CNNM2: variants seen among roughly 807,000 people sequenced by gnomAD.
CNNM2 encodes cyclin and CBS domain divalent metal cation transport mediator 2, also known as metal transporter CNNM2.
In CNNM2, 12 loss-of-function variants were observed where a neutral mutation model predicts 66.9. That is an observed-to-expected ratio of 0.18 (90% CI 0.11 to 0.29). The LOEUF is 0.29. Ranked by LOEUF, CNNM2 falls within the 10% of genes least tolerant of loss-of-function variation. The pLI is 1.00. For missense variants in CNNM2, 705 were observed against 1,167.7 expected (o/e 0.60, Z 5.77); for synonymous variants, 557 against 501.8 (o/e 1.11, Z -1.47).
chr10:102,921,637 A>G (rs1845642862), intron 1 of CNNM2, among the ~76,000 whole-genome samples: 1 of 152,194 alleles, frequency 6.6e-6, no homozygotes, highest in South Asian at 2.1e-4. Context: ...TAAGTTGTTA[A>G]TTAGAGCATC....
chr10:103,040,479 A>C (rs2065020456), intron 1 of CNNM2, among the ~76,000 whole-genome samples: 2 of 152,052 alleles, frequency 1.3e-5, no homozygotes, highest in Admixed American at 6.6e-5. Context: ...TTAATTCAGT[A>C]GCTGGTGGGA....
intron 1 of CNNM2, among the ~76,000 whole-genome samples, chr10:102,939,227 G>A (rs1846343327): frequency 6.6e-6 from 1 of 152,202 alleles, no homozygotes; most frequent in South Asian, 2.1e-4. Context: ...GGCTTACTTA[G>A]CTTCAGTGCA....
intron 1 of CNNM2, among the ~76,000 whole-genome samples, chr10:102,998,009 G>A (rs2064036172): frequency 6.6e-6 from 1 of 152,052 alleles, no homozygotes; most frequent in Non-Finnish European, 1.5e-5. Context: ...ATGGCTTTAT[G>A]TCAGTGTTCA....
At chr10:103,018,526 A>C (rs1350487523) in intron 1 of CNNM2, among the ~76,000 whole-genome samples, 1 of 152,116 alleles carries the variant, frequency 6.6e-6, no homozygotes, top group African/African-American at 2.4e-5. Flanking sequence ...TCAAATGAAG[A>C]AGTATAGACA....
At position 103,056,980 on chromosome 10, in the gene CNNM2, CAATA is replaced by C; in HGVS notation, c.2073+17_2073+20del. ...CATTCTGCAGGTCAGAAGAATTATT[CAATA>C]GTGGTTTGCTCTCACTGAGTATCCA... On this transcript the variant is annotated intron_variant, in intron 4 of 7. Coordinates refer to ENST00000369878, the MANE Select transcript of CNNM2 (RefSeq NM_017649.5). 6.2e-7 allele frequency: 1 copy of C among 1,603,818 alleles called. No individual in the cohort carries two copies. Among genetic ancestry groups the C allele is most frequent in the South Asian group, 1.1e-5 (1 of 89,216 alleles).
chr10:102,926,507 C>T (rs531092367), intron 1 of CNNM2, among the ~76,000 whole-genome samples: 1 of 152,214 alleles, frequency 6.6e-6, no homozygotes, highest in Non-Finnish European at 1.5e-5. Context: ...AGAAAACCCA[C>T]AAAACAGACT....
chr10:103,016,614 T>C (rs1052085637), intron 1 of CNNM2, among the ~76,000 whole-genome samples: 1 of 152,168 alleles, frequency 6.6e-6, no homozygotes, highest in Non-Finnish European at 1.5e-5. Context: ...TGCCAAGCGG[T>C]GTGATTAAAT....
At chr10:102,957,804 A>G (rs150709539) in intron 1 of CNNM2, among the ~76,000 whole-genome samples, 109 of 152,352 alleles carry the variant, frequency 7.2e-4, no homozygotes, top group Middle Eastern at 3.4e-3. Context: ...AGGCTGGTAG[A>G]TCGCTTACCT....
intron 1 of CNNM2, among the ~76,000 whole-genome samples, chr10:103,033,667 G>A (rs1374698337): frequency 6.6e-6 from 1 of 151,868 alleles, no homozygotes; most frequent in African/African-American, 2.4e-5. Flanking sequence ...TTTTTGGTTG[G>A]TAGAGATGGG....
rs1241387664 is a variant in CNNM2, at chr10:102,981,129, C to T, written c.1621+61028C>T. 2.6e-5 allele frequency among the ~76,000 whole-genome samples: 4 copies of T among 151,996 alleles called. No individual in the cohort carries two copies. In the East Asian group the frequency reaches 7.8e-4, roughly 30 times the overall value. On this transcript the variant is annotated intron_variant, in intron 1 of 7. Transcript: ENST00000369878. ...TTTGGGAGGCTGAAACAGGTGATCGCTTGAGTCCAGGACTTCAGACCATTC... is the reference window on the plus strand; with the variant it reads ...TTTGGGAGGCTGAAACAGGTGATCGTTTGAGTCCAGGACTTCAGACCATTC...
At chr10:103,062,850 T>C in intron 4 of CNNM2, among the ~76,000 whole-genome samples, 1 of 152,266 alleles carries the variant, frequency 6.6e-6, no homozygotes, top group East Asian at 1.9e-4. Context: ...CTCTGTTCCC[T>C]ACTCATTAGC....
At chr10:102,991,965 GT>G (rs1386377170) in intron 1 of CNNM2, among the ~76,000 whole-genome samples, 2 of 151,994 alleles carry the variant, frequency 1.3e-5, no homozygotes, top group Non-Finnish European at 2.9e-5. Context: ...TTACATTAAA[GT>G]TTTTTAGAGC....
At chr10:103,049,912 G>T in intron 2 of CNNM2, 62 bp downstream of exon 2, 1 of 1,545,618 alleles carries the variant, frequency 6.5e-7, no homozygotes, top group Admixed American at 1.7e-5. Context: ...TGCTGTTTGT[G>T]AGTCTTCTGA....
intron 4 of CNNM2, among the ~76,000 whole-genome samples, chr10:103,059,108 G>A (rs994745202): frequency 6.6e-6 from 1 of 152,068 alleles, no homozygotes; most frequent in African/African-American, 2.4e-5. Context: ...CAAGTAGTTG[G>A]GACTACAGGC....
intron 1 of CNNM2, among the ~76,000 whole-genome samples, chr10:102,954,617 G>T (rs1846967269): frequency 6.6e-6 from 1 of 152,058 alleles, no homozygotes; most frequent in Non-Finnish European, 1.5e-5. Flanking sequence ...TGACATCTTG[G>T]CCTCCTGGGT....
intron 1 of CNNM2, among the ~76,000 whole-genome samples, chr10:102,975,414 G>A (rs1039041150): frequency 2.8e-5 from 4 of 145,096 alleles, no homozygotes; most frequent in Non-Finnish European, 4.5e-5. Context: ...CAGTGAACTG[G>A]ATGGTGAATT....
chr10:103,032,215 C>T lies in CNNM2; in HGVS notation c.1622-17492C>T, dbSNP rs193290831. 9.1e-4 allele frequency among the ~76,000 whole-genome samples: 139 copies of T among 152,060 alleles called. 1 individual carries two copies. Among genetic ancestry groups the T allele is most frequent in the African/African-American group, 2.7e-3 (113 of 41,484 alleles). Reference sequence around the variant, plus strand: ...CTGTAATCCCAGCACTTTGGGAGGCCGAGGCAGGTGGATCACCTGAGGTCA... The same window carrying T: ...CTGTAATCCCAGCACTTTGGGAGGCTGAGGCAGGTGGATCACCTGAGGTCA... On this transcript the variant is annotated intron_variant, in intron 1 of 7. Coordinates refer to ENST00000369878, the MANE Select transcript of CNNM2 (RefSeq NM_017649.5).
chr10:103,018,408 G>A (rs1299425623), intron 1 of CNNM2, among the ~76,000 whole-genome samples: 1 of 152,140 alleles, frequency 6.6e-6, no homozygotes, highest in Non-Finnish European at 1.5e-5. Context: ...ATACTAAGTA[G>A]GCAATTGGAT....
Position 102,919,455 on chromosome 10 carries a change from G to C in CNNM2, c.975G>C (p.Leu325=), listed in dbSNP as rs1590244875. 1 of 1,611,910 alleles carries C rather than the reference G, an allele frequency of 6.2e-7. No homozygotes were observed. The highest frequency in any genetic ancestry group is 8.5e-7 in the Non-Finnish European group (1 of 1,180,018). The change falls in exon 1 of 8, where the codon CTG becomes CTC. Residue 325 remains leucine (L), a synonymous_variant. Coordinates refer to ENST00000369878, the MANE Select transcript of CNNM2 (RefSeq NM_017649.5). ...LLCSLLLGNV[L]VNTTLTILLD... ...GCTCACTGCTGCTGGGCAACGTGCT[G>C]GTCAACACCACGCTCACCATCCTGC...
Sources: gnomAD v4.1 joint callset for allele counts (sites outside exome capture counted in the v4.1 genomes callset) on GRCh38, gnomAD v4.1.1 for gene constraint, MANE v1.5 for transcripts, NCBI Gene and HGNC (gene_info 2026-07-23, HGNC 2026-07-21) for gene names.